Variants in DENND1C observed in about 807,000 individuals in gnomAD.
DENND1C encodes DENN domain containing 1C, also known as DENN domain-containing protein 1C.
Under a neutral mutation model 87.9 loss-of-function variants are expected in DENND1C, and 64 were observed. The observed-to-expected ratio is 0.73, with a 90% CI of 0.60 to 0.90. The LOEUF is 0.90. Among genes scored for constraint, DENND1C ranks in the 40% least tolerant of loss-of-function variants. The probability of loss-of-function intolerance (pLI) is 0.00; values close to 1 mark genes in which losing one functional copy is unlikely to be tolerated. For synonymous variants in DENND1C, 384 were observed against 424.4 expected, an observed-to-expected ratio of 0.90 and a Z score of 1.17; for missense variants, 980 against 1,037.0, an observed-to-expected ratio of 0.95 and a Z score of 0.76.
In DENND1C at chr19:6,469,608, A is replaced by G. The variant is rs919564240; in HGVS notation, c.1395T>C (p.Leu465=). 6.2e-7 allele frequency: 1 copy of G among 1,605,584 alleles called. No individual in the cohort carries two copies. The highest frequency in any genetic ancestry group is 8.5e-7 in the Non-Finnish European group (1 of 1,176,482). ...CAGTTGATCTTACCTTATACATTAGAAGGCTCTGCACCCCCTTCAAGCCAC... is the reference window on the plus strand; with the variant it reads ...CAGTTGATCTTACCTTATACATTAGGAGGCTCTGCACCCCCTTCAAGCCAC... ...AKSGLKGVQS[L]LMYKDGDSVL... The change falls in exon 19 of 23, where the codon CTT becomes CTC. Residue 465 remains leucine, a synonymous_variant. Coordinates refer to ENST00000381480, the MANE Select transcript of DENND1C (RefSeq NM_024898.4).
rs1025046733 is a variant in DENND1C at position 6,467,468 on chromosome 19, A to G, written c.*36T>C. ...AGCTTTTTTGGGCTCTTGTGGCTTT[A>G]TTGAGGGACTGGGGTCTCTCTTGGA... is the stretch of plus-strand genomic sequence containing the variant. On this transcript the variant is annotated 3_prime_UTR_variant, in exon 23 of 23. Coordinates refer to ENST00000381480, the MANE Select transcript of DENND1C (RefSeq NM_024898.4). 3.4e-5 allele frequency: 50 copies of G among 1,487,504 alleles called. No homozygotes were observed. Among genetic ancestry groups the G allele is most frequent in the Non-Finnish European group, 4.3e-5 (48 of 1,119,054 alleles). 92.1% of individuals were successfully genotyped at this position (1,487,504 alleles called of 1,614,324 possible).
At chr19:6,469,668 C>T (rs756933278) in intron 18 of DENND1C, 28 bp from the exon 19 acceptor site, 10 of 1,593,416 alleles carry the variant, frequency 6.3e-6, no homozygotes, top group African/African-American at 1.3e-5. Context: ...GAGAATTACC[C>T]AAGGGTGGTG....
rs1410068370 is a variant in DENND1C at position 6,468,076 on chromosome 19, C to T, written c.1834G>A (p.Glu612Lys). ...AGGGAAAGGGGCTGGGGCTCCGGCT[C>T]TGGTAGTTTCTTATCGTCTGGTTGC... ...RWQPDDKKLP[E>K]PEPQPLSLPS... The change falls in exon 23 of 23, where the codon GAG (glutamate) becomes AAG (lysine). Residue 612 changes from glutamate (E) to lysine (K), a missense_variant. By Grantham distance (56) the Glu-to-Lys change is moderately conservative. Coordinates refer to ENST00000381480, the MANE Select transcript of DENND1C (RefSeq NM_024898.4). 6.2e-7 allele frequency: 1 copy of T among 1,613,694 alleles called. No homozygotes were observed. Among genetic ancestry groups the T allele is most frequent in the East Asian group, 2.2e-5 (1 of 44,856 alleles).
chr19:6,478,114 C>A (rs1275381779), intron 6 of DENND1C, among the ~76,000 whole-genome samples: 1 of 151,898 alleles, frequency 6.6e-6, no homozygotes, highest in Non-Finnish European at 1.5e-5. Context: ...TTGCTCTGTC[C>A]CCCAGGCTGG....
intron 18 of DENND1C, 48 bp from the exon 19 acceptor site, chr19:6,469,688 G>A: frequency 6.4e-7 from 1 of 1,571,190 alleles, no homozygotes; most frequent in Non-Finnish European, 8.6e-7. Context: ...GGGATCCTGG[G>A]CATTTGAGAG....
chr19:6,478,026 A>C (rs946458360), intron 6 of DENND1C, among the ~76,000 whole-genome samples: 8 of 151,814 alleles, frequency 5.3e-5, no homozygotes, highest in Non-Finnish European at 7.4e-5. Context: ...AGTGAGGCGG[A>C]ATCGCACCAC....
rs370304063 is a variant in DENND1C at position 6,470,355 on chromosome 19, G to A, written c.1302C>T (p.Gly434=). 2.1e-5 allele frequency: 34 copies of A among 1,612,636 alleles called. No homozygotes were observed. The African/African-American group carries it at 2.5e-4, about 12-fold the overall frequency. ...TGGCCTTGACTGAGTGCAGGAGGGC[G>A]CCACCACCTTTCTGCGGGAGAGAAG... The part of the protein sequence containing the change: ...LWADNLKKGG[G]ALLHSVKAKT... The change falls in exon 18 of 23, where the codon GGC becomes GGT. Residue 434 remains glycine (G), a synonymous_variant. Coordinates refer to ENST00000381480, the MANE Select transcript of DENND1C (RefSeq NM_024898.4).
In DENND1C at chr19:6,478,763, G is replaced by A; in HGVS notation, c.366+20C>T. 6.2e-7 allele frequency: 1 copy of A among 1,606,594 alleles called. No homozygotes were observed. Among genetic ancestry groups the A allele is most frequent in the African/African-American group, 1.3e-5 (1 of 74,914 alleles). On this transcript the variant is annotated intron_variant, in intron 6 of 22. Coordinates refer to ENST00000381480, the MANE Select transcript of DENND1C (RefSeq NM_024898.4). Reference sequence around the variant, plus strand: ...TGGGGGCTGGGACTCCCACAGGAGTGAGAGAGGGGCTGGTCTCACTTGGTC... The same window carrying A: ...TGGGGGCTGGGACTCCCACAGGAGTAAGAGAGGGGCTGGTCTCACTTGGTC...
At chr19:6,469,042 T>G (rs55698874) in intron 19 of DENND1C, 89 bp from the exon 20 acceptor site, 289,473 of 790,228 alleles carry the variant, frequency 0.37, 59,347 homozygotes, top group Non-Finnish European at 0.41. Flanking sequence ...TTTTTTTTTT[T>G]TTGTTTGAAA....
rs764553869 is a variant in DENND1C, at chr19:6,481,717, G to A, written c.-22C>T. 5.1e-6 allele frequency: 8 copies of A among 1,565,748 alleles called. No individual in the cohort carries two copies. In the South Asian group the frequency reaches 8.3e-5, roughly 16 times the overall value. Reference sequence around the variant, plus strand: ...CCATGGTCCCTGCAGGGCCAGCCCAGCGGGGCCCTCTCCCCAGGGGTCCTG... The same window carrying A: ...CCATGGTCCCTGCAGGGCCAGCCCAACGGGGCCCTCTCCCCAGGGGTCCTG... On this transcript the variant is annotated 5_prime_UTR_variant, in exon 1 of 23. Coordinates refer to ENST00000381480, the MANE Select transcript of DENND1C (RefSeq NM_024898.4).
intron 15 of DENND1C, 107 bp from the exon 16 acceptor site, chr19:6,471,603 C>G (rs1451415046): frequency 6.0e-6 from 6 of 994,780 alleles, no homozygotes; most frequent in Non-Finnish European, 8.5e-6. Flanking sequence ...GGCCTCCAAC[C>G]TGCCCACCCC....
chr19:6,473,404 C>T (rs1376947866), intron 14 of DENND1C, among the ~76,000 whole-genome samples: 2 of 151,204 alleles, frequency 1.3e-5, no homozygotes, highest in Non-Finnish European at 2.9e-5. Context: ...CCACCCACCT[C>T]GGCCTCCCAA....
chr19:6,481,141 TTTC>T (rs943334766), intron 1 of DENND1C, among the ~76,000 whole-genome samples: 1 of 151,412 alleles, frequency 6.6e-6, no homozygotes, highest in African/African-American at 2.4e-5. Context: ...CAATCTCTGC[TTTC>T]CTCCTCTGCC....
chr19:6,479,306 TCCCTGGGTTCCTCA>T (rs1257644996), intron 4 of DENND1C, among the ~76,000 whole-genome samples: 7 of 148,674 alleles, frequency 4.7e-5, no homozygotes, highest in African/African-American at 1.8e-4. Flanking sequence ...AATCCCTAAG[TCCCTGGGTTCCTCA>T]GTCCCTGAGT....
chr19:6,479,971 C>T lies in DENND1C; in HGVS notation c.82+16G>A. ...CCCTCCCCTCCCACTCCCTCACTCC[C>T]AGGCTCCCAACTCACCCTCCTGCAG... On this transcript the variant is annotated intron_variant, in intron 2 of 22. Transcript: ENST00000381480. The T allele has an allele frequency of 6.2e-7, 1 of 1,605,058 alleles. No individual in the cohort carries two copies. The highest frequency in any genetic ancestry group is 8.5e-7 in the Non-Finnish European group (1 of 1,176,182).
In DENND1C at chr19:6,472,979, G is replaced by A; in HGVS notation, c.1068C>T (p.Thr356=). The A allele has an allele frequency of 6.4e-7, 1 of 1,568,960 alleles. No individual in the cohort carries two copies. The highest frequency in any genetic ancestry group is 1.2e-5 in the South Asian group (1 of 84,254). The change falls in exon 15 of 23, where the codon ACC becomes ACT. Residue 356 remains threonine, a synonymous_variant. Coordinates refer to ENST00000381480, the MANE Select transcript of DENND1C (RefSeq NM_024898.4). ...GGGCCAAGAAGACTTCCTCACTGAA[G>A]GTCACTGGCTGGCCCTGGAAGAAGC... ...ALVCSPGQPV[T]FSEEVFLAQK... is the part of the protein sequence containing the mutation.
chr19:6,476,489 G>T, intron 10 of DENND1C: 1 of 208,452 alleles, frequency 4.8e-6, no homozygotes, highest in Non-Finnish European at 9.6e-6. Context: ...CTGGGTATTC[G>T]GGTCCCTGGG....
chr19:6,477,286 G>C lies in DENND1C; in HGVS notation c.448-3C>G, dbSNP rs2092867917. The C allele has an allele frequency of 1.3e-6, 2 of 1,592,826 alleles. No homozygotes were observed. Among genetic ancestry groups the C allele is most frequent in the African/African-American group, 1.3e-5 (1 of 74,374 alleles). On this transcript the variant is annotated splice_polypyrimidine_tract_variant and splice_region_variant and intron_variant, in intron 7 of 22. Transcript: ENST00000381480. Reference sequence around the variant, plus strand: ...CTGGAGACCGTCACTCCGCTGCCCTGGGGAAGAGGCACGACTCTGTGGTCA... The same window carrying C: ...CTGGAGACCGTCACTCCGCTGCCCTCGGGAAGAGGCACGACTCTGTGGTCA...
intron 6 of DENND1C, 75 bp downstream of exon 6, chr19:6,478,708 G>T: frequency 6.6e-7 from 1 of 1,505,054 alleles, no homozygotes; most frequent in Non-Finnish European, 9.0e-7. Flanking sequence ...TGGGAGATCT[G>T]AGAGGGAGGG....
Sources: allele counts gnomAD v4.1 joint callset (sites outside exome capture counted in the v4.1 genomes callset), GRCh38; gene constraint gnomAD v4.1.1; transcripts MANE v1.5; gene names NCBI Gene and HGNC (gene_info 2026-07-23, HGNC 2026-07-21).